IL18RAP: variants seen among roughly 807,000 people sequenced by gnomAD.
IL18RAP encodes interleukin-18 receptor accessory protein.
In IL18RAP, 37 loss-of-function variants were observed where a neutral mutation model predicts 58.1. The observed-to-expected ratio is 0.64, with a 90% confidence interval of 0.49 to 0.84. The LOEUF (loss-of-function observed/expected upper bound fraction) is 0.84. Among genes scored for constraint, IL18RAP ranks in the 40% least tolerant of loss-of-function variants. The pLI is 0.00. For synonymous variants in IL18RAP, 268 were observed against 257.5 expected, an observed-to-expected ratio of 1.04 and a Z score of -0.39; for missense variants, 667 against 704.8, an observed-to-expected ratio of 0.95 and a Z score of 0.61.
At chr2:102,441,479 TG>T (rs1182546026) in intron 5 of IL18RAP, 102 bp downstream of exon 5, 1 of 892,792 alleles carries the variant, frequency 1.1e-6, no homozygotes, top group East Asian at 2.6e-5. Flanking sequence ...CAAACAGAAT[TG>T]GGTGTGAATC....
intron 7 of IL18RAP, among the ~76,000 whole-genome samples, chr2:102,446,843 C>T (rs1381008653): frequency 6.6e-6 from 1 of 152,044 alleles, no homozygotes; most frequent in African/African-American, 2.4e-5. Flanking sequence ...CAACTCCATC[C>T]AGGTTGCTGC....
upstream of IL18RAP, chr2:102,418,759 T>C (rs1470082798): frequency 1.3e-5 from 2 of 152,360 alleles, no homozygotes; most frequent in Non-Finnish European, 2.9e-5. Flanking sequence ...ATTTTTGAGC[T>C]GGTGTAACGT....
intron 6 of IL18RAP, 81 bp from the exon 7 acceptor site, chr2:102,445,108 C>G (rs1259072233): frequency 7.8e-7 from 1 of 1,285,032 alleles, no homozygotes; most frequent in African/African-American, 1.5e-5. Context: ...AAACTGTTGG[C>G]TGCTTATACG....
At chr2:102,433,400 T>G (rs1283250333) in intron 3 of IL18RAP, among the ~76,000 whole-genome samples, 1 of 152,258 alleles carries the variant, frequency 6.6e-6, no homozygotes, top group South Asian at 2.1e-4. Flanking sequence ...TTTTAAAAAT[T>G]TTTTGTAGAG....
At chr2:102,440,518 A>C (rs921507687) in intron 4 of IL18RAP, 1 of 152,254 alleles carries the variant, frequency 6.6e-6, no homozygotes, top group Non-Finnish European at 1.5e-5. Flanking sequence ...TTGGCTGGGA[A>C]GGAAGGAGAA....
At chr2:102,448,081 A>T (rs1683543397) in intron 8 of IL18RAP, among the ~76,000 whole-genome samples, 1 of 152,206 alleles carries the variant, frequency 6.6e-6, no homozygotes, top group Admixed American at 6.5e-5. Flanking sequence ...ATAGCTCAGC[A>T]TGTGCCAGAC....
chr2:102,445,821 A>T (rs903809360), intron 7 of IL18RAP, among the ~76,000 whole-genome samples: 9 of 33,740 alleles, frequency 2.7e-4, no homozygotes, highest in African/African-American at 8.7e-4. Context: ...CGGATATATT[A>T]AAAAAAAAAA....
At chr2:102,449,975 C>T (rs991422354) in intron 8 of IL18RAP, among the ~76,000 whole-genome samples, 6 of 152,032 alleles carry the variant, frequency 3.9e-5, no homozygotes, top group Non-Finnish European at 5.9e-5. Context: ...TTCCATCCAC[C>T]GAGGCATCAT....
intron 7 of IL18RAP, among the ~76,000 whole-genome samples, chr2:102,446,656 C>G (rs989333751): frequency 9.9e-5 from 15 of 152,110 alleles, no homozygotes; most frequent in Non-Finnish European, 1.0e-4. Context: ...AAAAAATTAG[C>G]CGGGCGTGGT....
intron 6 of IL18RAP, among the ~76,000 whole-genome samples, chr2:102,443,615 G>C (rs185697727): frequency 7.0e-4 from 107 of 152,296 alleles, no homozygotes; most frequent in African/African-American, 2.4e-3. Context: ...AGAAATGGGA[G>C]GAAATGCTGC....
At chr2:102,428,289 G>A (rs1199856506) in intron 3 of IL18RAP, among the ~76,000 whole-genome samples, 1 of 142,158 alleles carries the variant, frequency 7.0e-6, no homozygotes, top group Non-Finnish European at 1.6e-5. Flanking sequence ...ACTTTGAGTA[G>A]TAAGGACATT....
At position 102,448,757 on chromosome 2, in the gene IL18RAP, C is replaced by T. The variant is rs543449042; in HGVS notation, c.1210+1550C>T. ...GGAGGAATGCTTGAGCTCAGGAGTT[C>T]AAGACCAGCCTGGGCAACATGGTGA... On this transcript the variant is annotated intron_variant, in intron 8 of 9. Coordinates refer to ENST00000687160, the MANE Select transcript of IL18RAP (RefSeq NM_001393487.1). 1.5e-4 allele frequency among the ~76,000 whole-genome samples: 22 copies of T among 151,154 alleles called. 1 individual carries two copies. The South Asian group carries it at 4.6e-3, about 32-fold the overall frequency.
intron 4 of IL18RAP, 43 bp downstream of exon 4, chr2:102,437,405 A>G (rs1337313571): frequency 6.3e-7 from 1 of 1,578,984 alleles, no homozygotes; most frequent in Non-Finnish European, 8.6e-7. Flanking sequence ...CTGAGCAGCA[A>G]ATTAAAATTA....
intron 8 of IL18RAP, among the ~76,000 whole-genome samples, chr2:102,449,020 G>T (rs1439288219): frequency 1.4e-5 from 2 of 139,388 alleles, no homozygotes; most frequent in Non-Finnish European, 3.0e-5. Flanking sequence ...TGTAATCCCA[G>T]CACTTTGGGA....
rs1211781897 is a variant in IL18RAP at position 102,432,448 on chromosome 2, C to T, written c.580-4764C>T. 1.9e-5 allele frequency: 3 copies of T among 154,426 alleles called. No individual in the cohort carries two copies. In the East Asian group the frequency reaches 5.8e-4, roughly 30 times the overall value. 9.6% of individuals were successfully genotyped at this position (154,426 alleles called of 1,614,324 possible). A position where few individuals can be genotyped will look rare whatever the true frequency, so the allele number is the denominator to read the frequency against. On this transcript the variant is annotated intron_variant, in intron 3 of 9. Transcript: ENST00000687160. ...ACTAAAAGGGCACCCAAATGCCCTA[C>T]ATCTGGCCGAGAAATACTGTTGTTA...
intron 7 of IL18RAP, among the ~76,000 whole-genome samples, chr2:102,446,042 G>A (rs903758813): frequency 1.3e-5 from 2 of 152,200 alleles, no homozygotes; most frequent in Non-Finnish European, 2.9e-5. Flanking sequence ...GGAGTATGCA[G>A]GAGATCCCTC....
At chr2:102,421,254 A>G (rs1165922943), upstream of IL18RAP, among the ~76,000 whole-genome samples, 1 of 144,424 alleles carries the variant, frequency 6.9e-6, no homozygotes, top group East Asian at 2.0e-4. Flanking sequence ...ATGAGTAGCA[A>G]GAGAGATGGT....
intron 7 of IL18RAP, among the ~76,000 whole-genome samples, chr2:102,446,474 C>T (rs1317821358): frequency 6.6e-6 from 1 of 152,128 alleles, no homozygotes; most frequent in African/African-American, 2.4e-5. Flanking sequence ...CTCCCTCAGT[C>T]TCTAAAGTCC....
chr2:102,426,056 G>A (rs1573264227), intron 3 of IL18RAP, among the ~76,000 whole-genome samples: 2 of 152,232 alleles, frequency 1.3e-5, no homozygotes, highest in African/African-American at 2.4e-5. Context: ...ATGTGTGTGT[G>A]CACTCACACA....
Sources: allele counts gnomAD v4.1 joint callset (sites outside exome capture counted in the v4.1 genomes callset), GRCh38; gene constraint gnomAD v4.1.1; transcripts MANE v1.5; gene names NCBI Gene and HGNC (gene_info 2026-07-23, HGNC 2026-07-21).